AGAP1: variants seen among roughly 807,000 people sequenced by gnomAD.
AGAP1 encodes the protein arf-GAP with GTPase, ANK repeat and PH domain-containing protein 1.
Under a neutral mutation model 105.3 loss-of-function variants are expected in AGAP1, and 29 were observed. The observed-to-expected ratio is 0.28, with a 90% CI of 0.21 to 0.38. AGAP1 has a LOEUF of 0.38. AGAP1 is among the 10% of genes least tolerant of loss of function. The probability of loss-of-function intolerance (pLI) is 1.00; values close to 1 mark genes in which losing one functional copy is unlikely to be tolerated. For missense variants in AGAP1, 998 were observed against 1,165.1 expected (o/e 0.86, Z 2.09); for synonymous variants, 509 against 485.9 (o/e 1.05, Z -0.63).
In AGAP1 at chr2:235,740,149, G is replaced by A. The variant is rs546701800; in HGVS notation, c.311-814G>A. The stretch of plus-strand genomic sequence containing the variant: ...GAGGAGCCAGGGTGGAATCCTTCCC[G>A]CTGCCCAGCAGGAGCAGGGCTGGCC... On this transcript the variant is annotated intron_variant, in intron 3 of 17. Transcript: ENST00000304032. This position sits in a 1 kb window ranked among gnomAD's most constrained non-coding sequence, Gnocchi z 5.7. Among the ~76,000 whole-genome samples, 4 of 152,230 alleles carry A rather than the reference G, an allele frequency of 2.6e-5. No homozygotes were observed. Among genetic ancestry groups the A allele is most frequent in the African/African-American group, 4.8e-5 (2 of 41,546 alleles).
Position 235,539,948 on chromosome 2 carries a change from C to T in AGAP1, c.163+45099C>T, listed in dbSNP as rs183318789. Among the ~76,000 whole-genome samples, 231 of 152,248 alleles carry T rather than the reference C, an allele frequency of 1.5e-3. 1 individual carries two copies. The highest frequency in any genetic ancestry group is 5.4e-3 in the African/African-American group (224 of 41,540). ...AGTGCCTCCACCTGGTCATCCACCGCGGTCCTCCTGGTCTCCGTTCAGGCC... is the reference window on the plus strand; with the variant it reads ...AGTGCCTCCACCTGGTCATCCACCGTGGTCCTCCTGGTCTCCGTTCAGGCC... On this transcript the variant is annotated intron_variant, in intron 1 of 17. Coordinates refer to ENST00000304032, the MANE Select transcript of AGAP1 (RefSeq NM_001037131.3).
chr2:235,862,565 C>T (rs959726207), intron 9 of AGAP1, among the ~76,000 whole-genome samples: 1 of 152,216 alleles, frequency 6.6e-6, no homozygotes, highest in African/African-American at 2.4e-5. Context: ...TGGGGTAGGG[C>T]AGTGCAAACT....
intron 1 of AGAP1, among the ~76,000 whole-genome samples, chr2:235,704,193 C>T (rs1269821656): frequency 6.6e-6 from 1 of 152,246 alleles, no homozygotes; most frequent in Non-Finnish European, 1.5e-5. Flanking sequence ...GCCTCAGTAA[C>T]TGCAGCACTT....
At chr2:235,597,938 G>A (rs1468592200) in intron 1 of AGAP1, among the ~76,000 whole-genome samples, 1 of 129,372 alleles carries the variant, frequency 7.7e-6, no homozygotes, top group Non-Finnish European at 1.6e-5. Flanking sequence ...TGTGTGGAGC[G>A]TGCACGCGCT....
In AGAP1 at chr2:235,842,311, AT is replaced by A. The variant is rs1960957580; in HGVS notation, c.1050+34981del. On this transcript the variant is annotated intron_variant, in intron 9 of 17. Transcript: ENST00000304032. The surrounding 1 kb of genome is among the most constrained non-coding windows in gnomAD (Gnocchi z 5.3). ...AAGTTAACGTTTCCTTCAGATATGA[AT>A]GTAGGCAACGATCCACAGTGGTGTT... Among the ~76,000 whole-genome samples, 1 of 152,234 alleles carries A rather than the reference AT, an allele frequency of 6.6e-6. No individual in the cohort carries two copies. Among genetic ancestry groups the A allele is most frequent in the South Asian group, 2.1e-4 (1 of 4,832 alleles).
intron 1 of AGAP1, among the ~76,000 whole-genome samples, chr2:235,644,804 A>G (rs376023667): frequency 2.9e-4 from 44 of 152,268 alleles, no homozygotes; most frequent in African/African-American, 7.5e-4. Context: ...CGCTATAGCA[A>G]TATTATGGTG....
intron 1 of AGAP1, among the ~76,000 whole-genome samples, chr2:235,697,584 T>G (rs758799198): frequency 7.2e-5 from 11 of 152,214 alleles, no homozygotes; most frequent in Non-Finnish European, 1.6e-4. Context: ...CCACGGACCC[T>G]CCCCCAACCA....
At chr2:236,112,346 G>A (rs1299576685) in intron 16 of AGAP1, among the ~76,000 whole-genome samples, 5 of 151,940 alleles carry the variant, frequency 3.3e-5, no homozygotes, top group African/African-American at 7.3e-5. Context: ...AACCCAGGAA[G>A]TGGAGGTTGC....
In AGAP1 at chr2:236,096,627, G is replaced by T. The variant is rs547423609; in HGVS notation, c.2115-23565G>T. Among the ~76,000 whole-genome samples, 1 of 151,728 alleles carries T rather than the reference G, an allele frequency of 6.6e-6. No homozygotes were observed. Among genetic ancestry groups the T allele is most frequent in the Non-Finnish European group, 1.5e-5 (1 of 67,962 alleles). ...GAGTCTCGCTCTTGTCACCCAGGCTGGAGTGCAGTGGCATGATCTCATCTC... is the reference window on the plus strand; with the variant it reads ...GAGTCTCGCTCTTGTCACCCAGGCTTGAGTGCAGTGGCATGATCTCATCTC... On this transcript the variant is annotated intron_variant, in intron 16 of 17. Transcript: ENST00000304032. The surrounding 1 kb of genome is among the most constrained non-coding windows in gnomAD (Gnocchi z 4.4).
rs1005495949 is a variant in AGAP1, at chr2:235,792,764, C to T, written c.674-4995C>T. ...GCTAGGAGGCCCAGGCTGGGCGGCG[C>T]GGACTTGAAGGCGCCTCTAGCAGAT... On this transcript the variant is annotated intron_variant, in intron 6 of 17. Transcript: ENST00000304032. This position sits in a 1 kb window ranked among gnomAD's most constrained non-coding sequence, Gnocchi z 5.3. Among the ~76,000 whole-genome samples, 17 of 152,250 alleles carry T rather than the reference C, an allele frequency of 1.1e-4. No individual in the cohort carries two copies. The highest frequency in any genetic ancestry group is 3.4e-4 in the African/African-American group (14 of 41,568).
At chr2:235,516,584 T>C (rs933414663) in intron 1 of AGAP1, among the ~76,000 whole-genome samples, 1 of 152,146 alleles carries the variant, frequency 6.6e-6, no homozygotes, top group Non-Finnish European at 1.5e-5. Context: ...TGAGCGTAGT[T>C]CATGCCGCCC....
intron 16 of AGAP1, among the ~76,000 whole-genome samples, chr2:236,079,394 C>T (rs1181217596): frequency 1.4e-5 from 2 of 145,100 alleles, no homozygotes; most frequent in African/African-American, 5.1e-5. Flanking sequence ...AAAAAACAGG[C>T]ATGGTGGCAT....
Position 235,865,909 on chromosome 2 carries a change from ATG to A in AGAP1, c.1051-17432_1051-17431del, listed in dbSNP as rs2049146366. Among the ~76,000 whole-genome samples, 1 of 152,134 alleles carries A rather than the reference ATG, an allele frequency of 6.6e-6. No individual in the cohort carries two copies. The highest frequency in any genetic ancestry group is 1.9e-4 in the East Asian group (1 of 5,188). On this transcript the variant is annotated intron_variant, in intron 9 of 17. Coordinates refer to ENST00000304032, the MANE Select transcript of AGAP1 (RefSeq NM_001037131.3). The surrounding 1 kb of genome is among the most constrained non-coding windows in gnomAD (Gnocchi z 6.2). ...GACTGGGGAAAGCCAGTTAATTGGG[ATG>A]TGTTTTTGCACACAACGAATGATTT...
In AGAP1 at chr2:235,977,411, A is replaced by G. The variant is rs568467320; in HGVS notation, c.1645+8788A>G. Among the ~76,000 whole-genome samples the G allele has an allele frequency of 1.3e-5, 2 of 152,066 alleles. No homozygotes were observed. Among genetic ancestry groups the G allele is most frequent in the South Asian group, 4.2e-4 (2 of 4,800 alleles). ...CTGTTCAACTTGTGTCTTCCTTACT[A>G]TTCTAAATCCTCATCTACTCTTTCT... On this transcript the variant is annotated intron_variant, in intron 13 of 17. Coordinates refer to ENST00000304032, the MANE Select transcript of AGAP1 (RefSeq NM_001037131.3). The surrounding 1 kb of genome is among the most constrained non-coding windows in gnomAD (Gnocchi z 5.2).
chr2:235,986,741 T>A (rs1054050849), intron 13 of AGAP1, among the ~76,000 whole-genome samples: 8 of 152,252 alleles, frequency 5.3e-5, no homozygotes, highest in African/African-American at 1.9e-4. Context: ...ATGTGGTTTT[T>A]ATCTTTGGTT....
In AGAP1 at chr2:236,044,199, C is replaced by T. The variant is rs2057647490; in HGVS notation, c.1891+3358C>T. On this transcript the variant is annotated intron_variant, in intron 15 of 17. Transcript: ENST00000304032. This position sits in a 1 kb window ranked among gnomAD's most constrained non-coding sequence, Gnocchi z 5.7. ...ACACCTGTGCTTCCGGGGAGTACTG[C>T]TCTGAAGCTACCTGTTCAGCATGGC... Among the ~76,000 whole-genome samples, 1 of 152,290 alleles carries T rather than the reference C, an allele frequency of 6.6e-6. No homozygotes were observed. The highest frequency in any genetic ancestry group is 2.1e-4 in the South Asian group (1 of 4,826).
chr2:235,591,714 T>C (rs1300465173), intron 1 of AGAP1, among the ~76,000 whole-genome samples: 1 of 152,180 alleles, frequency 6.6e-6, no homozygotes, highest in Non-Finnish European at 1.5e-5. Flanking sequence ...TCTAGCACCA[T>C]CCCCTTGGCG....
chr2:235,658,075 A>C (rs1264839971), intron 1 of AGAP1, among the ~76,000 whole-genome samples: 1 of 152,224 alleles, frequency 6.6e-6, no homozygotes, highest in Non-Finnish European at 1.5e-5. Flanking sequence ...GTACTTTGTT[A>C]GGTCAAGGCT....
chr2:235,791,484 C>A (rs1325077118), intron 6 of AGAP1, among the ~76,000 whole-genome samples: 1 of 152,028 alleles, frequency 6.6e-6, no homozygotes, highest in African/African-American at 2.4e-5. Flanking sequence ...TGCTGATATG[C>A]CCTGTCCAAA....
Sources: allele counts gnomAD v4.1 joint callset (sites outside exome capture counted in the v4.1 genomes callset), GRCh38; gene constraint gnomAD v4.1.1; non-coding constraint Gnocchi (gnomAD v3.1); transcripts MANE v1.5; gene names NCBI Gene and HGNC (gene_info 2026-07-23, HGNC 2026-07-21).